The following ASIC2 variants were observed in gnomAD, a reference collection of about 807,000 sequenced individuals.
The protein encoded by ASIC2 is acid-sensing ion channel 2.
Under a neutral mutation model 57.3 loss-of-function variants are expected in ASIC2, and 25 were observed. That is an observed-to-expected ratio of 0.44 (90% confidence interval 0.32 to 0.61). The LOEUF is 0.61. Among genes scored for constraint, ASIC2 ranks in the 20% least tolerant of loss-of-function variants. The pLI is 0.06. For missense variants in ASIC2, 641 were observed against 738.1 expected, an observed-to-expected ratio of 0.87 and a Z score of 1.52; for synonymous variants, 319 against 307.5, an observed-to-expected ratio of 1.04 and a Z score of -0.39.
chr17:33,060,552 T>C (rs895776351), intron 3 of ASIC2, among the ~76,000 whole-genome samples: 1 of 152,254 alleles, frequency 6.6e-6, no homozygotes, highest in Non-Finnish European at 1.5e-5. Flanking sequence ...CATGCTGTTT[T>C]GGTTACTGTA....
chr17:33,908,894 A>G (rs896626086), intron 1 of ASIC2, among the ~76,000 whole-genome samples: 8 of 152,186 alleles, frequency 5.3e-5, no homozygotes, highest in African/African-American at 1.2e-4. Flanking sequence ...GAACTGGTCC[A>G]GGTCATTCTA....
At chr17:33,608,439 C>T (rs541892268) in intron 1 of ASIC2, among the ~76,000 whole-genome samples, 1 of 152,110 alleles carries the variant, frequency 6.6e-6, no homozygotes, top group African/African-American at 2.4e-5. Context: ...AACTGTAGGT[C>T]GTAGGAATCC....
At chr17:34,073,984 A>G (rs1465144048) in intron 1 of ASIC2, among the ~76,000 whole-genome samples, 1 of 152,214 alleles carries the variant, frequency 6.6e-6, no homozygotes, top group Non-Finnish European at 1.5e-5. Context: ...ACATGCAGCC[A>G]ATATACGGCC....
chr17:33,986,016 C>A (rs2142006969), intron 1 of ASIC2, among the ~76,000 whole-genome samples: 1 of 152,274 alleles, frequency 6.6e-6, no homozygotes, highest in Admixed American at 6.5e-5. Flanking sequence ...CTCTAACCAC[C>A]CTATGGAATT....
At chr17:34,084,379 G>C (rs1910015589) in intron 1 of ASIC2, among the ~76,000 whole-genome samples, 1 of 152,218 alleles carries the variant, frequency 6.6e-6, no homozygotes, top group Non-Finnish European at 1.5e-5. Context: ...ATTTCTGAGG[G>C]CTCTGTTCTG....
chr17:34,062,003 A>AACTAT (rs1375863124), intron 1 of ASIC2, among the ~76,000 whole-genome samples: 1 of 152,194 alleles, frequency 6.6e-6, no homozygotes, highest in Non-Finnish European at 1.5e-5. Context: ...AATGGATTTA[A>AACTAT]ACTATACCTT....
chr17:33,101,420 C>G (rs576954347), intron 2 of ASIC2, among the ~76,000 whole-genome samples: 1 of 152,300 alleles, frequency 6.6e-6, no homozygotes, highest in South Asian at 2.1e-4. Flanking sequence ...CCAGCAGTTT[C>G]CTGCTCCACC....
chr17:33,303,741 T>C (rs1356834470), intron 1 of ASIC2, among the ~76,000 whole-genome samples: 2 of 152,178 alleles, frequency 1.3e-5, no homozygotes, highest in Admixed American at 6.5e-5. Flanking sequence ...TTCCTTCTTC[T>C]AGACTTCAGC....
At chr17:33,505,868 T>C (rs1285384396) in intron 1 of ASIC2, among the ~76,000 whole-genome samples, 2 of 152,200 alleles carry the variant, frequency 1.3e-5, no homozygotes, top group African/African-American at 4.8e-5. Flanking sequence ...AGCACCAGGG[T>C]GAGCAGCTCT....
chr17:33,723,694 T>G (rs898139601), intron 1 of ASIC2, among the ~76,000 whole-genome samples: 9 of 152,108 alleles, frequency 5.9e-5, no homozygotes, highest in Admixed American at 5.2e-4. Context: ...AAAGTCAGAG[T>G]AATGGTGACC....
chr17:33,319,932 A>G (rs900838967), intron 1 of ASIC2, among the ~76,000 whole-genome samples: 1 of 152,198 alleles, frequency 6.6e-6, no homozygotes, highest in Non-Finnish European at 1.5e-5. Context: ...TTCTTGGTCT[A>G]GGAAAACTCT....
chr17:33,729,227 A>T (rs866795312), intron 1 of ASIC2, among the ~76,000 whole-genome samples: 3 of 152,196 alleles, frequency 2.0e-5, no homozygotes, highest in African/African-American at 7.2e-5. Flanking sequence ...GGGGGAGCAG[A>T]TGCATCCCTT....
At chr17:33,995,394 C>T (rs957423304) in intron 1 of ASIC2, among the ~76,000 whole-genome samples, 1 of 151,986 alleles carries the variant, frequency 6.6e-6, no homozygotes, top group Non-Finnish European at 1.5e-5. Flanking sequence ...CCTTTACCCA[C>T]CTCTTCTACC....
intron 1 of ASIC2, among the ~76,000 whole-genome samples, chr17:33,716,911 A>G (rs538837256): frequency 7.9e-5 from 12 of 152,360 alleles, no homozygotes; most frequent in South Asian, 4.1e-4. Flanking sequence ...CATGTGCTCA[A>G]TAAAGATGAA....
intron 2 of ASIC2, among the ~76,000 whole-genome samples, chr17:33,108,588 A>G (rs1000916601): frequency 2.6e-5 from 4 of 152,136 alleles, no homozygotes; most frequent in Non-Finnish European, 5.9e-5. Context: ...CCTTCAACAG[A>G]TGTGTTGGCT....
intron 1 of ASIC2, among the ~76,000 whole-genome samples, chr17:33,719,920 A>AC (rs1445011882): frequency 6.6e-6 from 1 of 152,200 alleles, no homozygotes; most frequent in Non-Finnish European, 1.5e-5. Context: ...TCACTCTGTC[A>AC]CCCAGGCTGG....
At chr17:33,951,014 C>A (rs1904545672) in intron 1 of ASIC2, among the ~76,000 whole-genome samples, 1 of 152,094 alleles carries the variant, frequency 6.6e-6, no homozygotes, top group Non-Finnish European at 1.5e-5. Context: ...AAGTTTAGAG[C>A]CAGAAAAACC....
At chr17:33,821,280 T>C (rs1912739249) in intron 1 of ASIC2, among the ~76,000 whole-genome samples, 1 of 152,202 alleles carries the variant, frequency 6.6e-6, no homozygotes, top group Admixed American at 6.5e-5. Flanking sequence ...TTGGTTAGTT[T>C]ACTGACTGCA....
At chr17:34,072,890 A>C (rs189296774) in intron 1 of ASIC2, among the ~76,000 whole-genome samples, 1 of 152,296 alleles carries the variant, frequency 6.6e-6, no homozygotes, top group East Asian at 1.9e-4. Context: ...TGGATAATTT[A>C]AGAAATGTTT....
Sources: gnomAD v4.1 joint callset for allele counts (sites outside exome capture counted in the v4.1 genomes callset) on GRCh38, gnomAD v4.1.1 for gene constraint, MANE v1.5 for transcripts, NCBI Gene and HGNC (gene_info 2026-07-23, HGNC 2026-07-21) for gene names.